Variants in KCNMB4 observed in about 807,000 individuals in gnomAD.
KCNMB4 encodes the protein potassium calcium-activated channel subfamily M regulatory beta subunit 4.
KCNMB4 carries 3 observed loss-of-function variants against 20.7 expected under a neutral mutation model. The observed-to-expected ratio is 0.14, with a 90% CI of 0.07 to 0.37. The LOEUF (loss-of-function observed/expected upper bound fraction) is 0.37, where lower values mean the gene tolerates loss of function less well. Among genes scored for constraint, KCNMB4 ranks in the 10% least tolerant of loss-of-function variants. KCNMB4 has a pLI of 1.00. For missense variants in KCNMB4, 168 were observed against 265.9 expected, an observed-to-expected ratio of 0.63 and a Z score of 2.56; for synonymous variants, 110 against 113.4, an observed-to-expected ratio of 0.97 and a Z score of 0.19.
At chr12:70,384,873 C>CAAAAAAAAAAAAAAAA (rs57306622) in intron 1 of KCNMB4, among the ~76,000 whole-genome samples, 11 of 74,312 alleles carry the variant, frequency 1.5e-4, no homozygotes, top group African/African-American at 2.1e-4. Context: ...GACCCTGTCT[C>CAAAAAAAAAAAAAAAA]AAAAAAAAAA....
In KCNMB4 at chr12:70,366,671, C is replaced by T; in HGVS notation, c.-64C>T. On this transcript the variant is annotated 5_prime_UTR_variant, in exon 1 of 3. Coordinates refer to ENST00000258111, the MANE Select transcript of KCNMB4 (RefSeq NM_014505.6). ...GGCGGCTCCTCCCGCCCGAGGCAGTCGGGCTCGGCGCCGGGGGCGGGAGGG... is the reference window on the plus strand; with the variant it reads ...GGCGGCTCCTCCCGCCCGAGGCAGTTGGGCTCGGCGCCGGGGGCGGGAGGG... 2 of 1,262,184 alleles carry T rather than the reference C, an allele frequency of 1.6e-6. No homozygotes were observed. The highest frequency in any genetic ancestry group is 2.0e-6 in the Non-Finnish European group (2 of 989,002). The allele number at this position is 1,262,184 out of a possible 1,614,324, so 78.2% of individuals were successfully genotyped here. A position where few individuals can be genotyped will look rare whatever the true frequency, so the allele number is the denominator to read the frequency against.
intron 1 of KCNMB4, among the ~76,000 whole-genome samples, chr12:70,383,385 G>A (rs528956830): frequency 2.0e-5 from 3 of 152,302 alleles, no homozygotes; most frequent in African/African-American, 7.2e-5. Context: ...TGGCAATATG[G>A]GGATGTGGGC....
intron 2 of KCNMB4, among the ~76,000 whole-genome samples, chr12:70,423,741 C>T (rs1565867399): frequency 6.6e-6 from 1 of 152,156 alleles, no homozygotes; most frequent in Non-Finnish European, 1.5e-5. Flanking sequence ...TCCCAAAGTG[C>T]TGGGATTACA....
chr12:70,406,118 G>T (rs1227251708), intron 2 of KCNMB4, among the ~76,000 whole-genome samples: 2 of 150,574 alleles, frequency 1.3e-5, no homozygotes, highest in African/African-American at 4.8e-5. Flanking sequence ...TAGTTATCAG[G>T]GGCTGGGAGG....
intron 2 of KCNMB4, among the ~76,000 whole-genome samples, chr12:70,420,557 G>A (rs145133422): frequency 4.2e-4 from 64 of 152,192 alleles, no homozygotes; most frequent in African/African-American, 1.4e-3. Flanking sequence ...CCTCCAGAAG[G>A]AACACAGCCC....
intron 2 of KCNMB4, among the ~76,000 whole-genome samples, chr12:70,416,053 A>G (rs895074503): frequency 1.3e-5 from 2 of 152,178 alleles, no homozygotes; most frequent in Non-Finnish European, 2.9e-5. Context: ...TTAGATTAAG[A>G]TTATTTTTGA....
chr12:70,388,965 G>A (rs1283267125), intron 1 of KCNMB4, among the ~76,000 whole-genome samples: 1 of 149,632 alleles, frequency 6.7e-6, no homozygotes, highest in Non-Finnish European at 1.5e-5. Flanking sequence ...ACTATTTTTA[G>A]GGCTTTTTTT....
chr12:70,407,915 C>T (rs892163878), intron 2 of KCNMB4, among the ~76,000 whole-genome samples: 15 of 152,148 alleles, frequency 9.9e-5, no homozygotes, highest in Non-Finnish European at 1.8e-4. Context: ...CCTCTCACCC[C>T]GACTACTCAG....
rs1445141932 is a variant in KCNMB4 at position 70,433,811 on chromosome 12, A to G, written c.*3158A>G. On this transcript the variant is annotated 3_prime_UTR_variant, in exon 3 of 3. Transcript: ENST00000258111. ...CCCTTGTCCATTGTCTTCTGTGGCC[A>G]CTAGTTTGACCTCTAGGAAAGTCTT... The G allele has an allele frequency of 6.6e-6, 1 of 152,322 alleles. No individual in the cohort carries two copies. 9.4% of individuals were successfully genotyped at this position (152,322 alleles called of 1,614,324 possible). A position where few individuals can be genotyped will look rare whatever the true frequency, so the allele number is the denominator to read the frequency against.
At chr12:70,413,692 C>T (rs572460474) in intron 2 of KCNMB4, among the ~76,000 whole-genome samples, 2 of 152,276 alleles carry the variant, frequency 1.3e-5, no homozygotes, top group Admixed American at 6.5e-5. Flanking sequence ...AATGAATCCC[C>T]ACCACATAAT....
intron 1 of KCNMB4, 106 bp from the exon 2 acceptor site, chr12:70,400,103 C>T: frequency 1.1e-6 from 1 of 877,750 alleles, no homozygotes; most frequent in Non-Finnish European, 1.6e-6. Flanking sequence ...TTAGGGAGGC[C>T]TAAATTAGAT....
intron 2 of KCNMB4, among the ~76,000 whole-genome samples, chr12:70,421,844 G>T (rs536539591): frequency 6.6e-6 from 1 of 150,436 alleles, no homozygotes; most frequent in East Asian, 2.0e-4. Flanking sequence ...GCCTCCCAAA[G>T]TGCTGGGATT....
rs1366862323 is a variant in KCNMB4, at chr12:70,433,331, A to T, written c.*2678A>T. ...CACATAGCAATCCAGAAGTGGCTTC[A>T]TTTCACAAGGTATTCAAGGGATATA... is the stretch of plus-strand genomic sequence containing the variant. On this transcript the variant is annotated 3_prime_UTR_variant, in exon 3 of 3. Transcript: ENST00000258111. 1 of 152,214 alleles carries T rather than the reference A, an allele frequency of 6.6e-6. No individual in the cohort carries two copies. The highest frequency in any genetic ancestry group is 2.4e-5 in the African/African-American group (1 of 41,472). 9.4% of individuals were successfully genotyped at this position (152,214 alleles called of 1,614,324 possible). A position where few individuals can be genotyped will look rare whatever the true frequency, so the allele number is the denominator to read the frequency against.
At position 70,366,592 on chromosome 12, in the gene KCNMB4, C is replaced by A. The variant is rs1419559339; in HGVS notation, c.-143C>A. The A allele has an allele frequency of 7.4e-6, 3 of 405,874 alleles. No individual in the cohort carries two copies. The East Asian group carries it at 2.0e-4, about 27-fold the overall frequency. The allele number at this position is 405,874 out of a possible 1,614,324, so 25.1% of individuals were successfully genotyped here. Reference sequence around the variant, plus strand: ...TGGCCTCGGCCCCTTTGTTCTCGCGCGCTCCCCCTCGCCGCCCACTCCCCT... The same window carrying A: ...TGGCCTCGGCCCCTTTGTTCTCGCGAGCTCCCCCTCGCCGCCCACTCCCCT... On this transcript the variant is annotated 5_prime_UTR_variant, in exon 1 of 3. Coordinates refer to ENST00000258111, the MANE Select transcript of KCNMB4 (RefSeq NM_014505.6).
chr12:70,412,525 C>T (rs745532893), intron 2 of KCNMB4, among the ~76,000 whole-genome samples: 1 of 152,120 alleles, frequency 6.6e-6, no homozygotes, highest in African/African-American at 2.4e-5. Context: ...ATTTTCCGGA[C>T]GTCTTTGCAT....
At chr12:70,394,380 A>ATCTTAG (rs1430535945) in intron 1 of KCNMB4, among the ~76,000 whole-genome samples, 1 of 152,108 alleles carries the variant, frequency 6.6e-6, no homozygotes, top group African/African-American at 2.4e-5. Context: ...CTCTTGCCTA[A>ATCTTAG]GAGCTCATTT....
chr12:70,400,413 A>T, intron 2 of KCNMB4, 77 bp downstream of exon 2: 5 of 1,416,686 alleles, frequency 3.5e-6, no homozygotes, highest in South Asian at 1.5e-5. Flanking sequence ...ATCGTAGATT[A>T]TGCCCACTTG....
At chr12:70,428,118 G>A (rs7304845) in intron 2 of KCNMB4, among the ~76,000 whole-genome samples, 20,278 of 151,654 alleles carry the variant, frequency 0.13, 1,467 homozygotes, top group South Asian at 0.24. Context: ...TCCTGGGCTC[G>A]AGAGATCTCC....
intron 1 of KCNMB4, among the ~76,000 whole-genome samples, chr12:70,370,376 C>T (rs998103444): frequency 4.0e-5 from 6 of 150,528 alleles, no homozygotes; most frequent in Non-Finnish European, 5.9e-5. Context: ...GGCATGATCT[C>T]GGCTCACTGC....
Sources: gnomAD v4.1 joint callset for allele counts (sites outside exome capture counted in the v4.1 genomes callset) on GRCh38, gnomAD v4.1.1 for gene constraint, MANE v1.5 for transcripts, NCBI Gene and HGNC (gene_info 2026-07-23, HGNC 2026-07-21) for gene names.